BTRC: variants seen among roughly 807,000 people sequenced by gnomAD.
BTRC encodes F-box/WD repeat-containing protein 1A.
Under a neutral mutation model 85.5 loss-of-function variants are expected in BTRC, and 42 were observed. That is an observed-to-expected ratio of 0.49 (90% CI 0.38 to 0.64). The LOEUF is 0.64. Among genes scored for constraint, BTRC ranks in the 30% least tolerant of loss-of-function variants. The pLI is 0.00. For synonymous variants in BTRC, 255 were observed against 263.3 expected (o/e 0.97, Z 0.30); for missense variants, 594 against 743.5 (o/e 0.80, Z 2.34).
intron 1 of BTRC, among the ~76,000 whole-genome samples, chr10:101,392,813 C>T (rs558341809): frequency 2.7e-4 from 41 of 152,280 alleles, no homozygotes; most frequent in South Asian, 1.0e-3. Flanking sequence ...TGTAAGCTTC[C>T]GCACCCGACC....
At chr10:101,524,770 T>G (rs2062165864) in intron 5 of BTRC, among the ~76,000 whole-genome samples, 1 of 152,206 alleles carries the variant, frequency 6.6e-6, no homozygotes. Context: ...TAATTGGCTT[T>G]TGTTCATGTT....
At chr10:101,366,821 AATATATATT>A (rs1942404888) in intron 1 of BTRC, among the ~76,000 whole-genome samples, 1 of 49,334 alleles carries the variant, frequency 2.0e-5, no homozygotes, top group African/African-American at 1.1e-4. Flanking sequence ...TATATATATT[AATATATATT>A]TATATATATT....
chr10:101,477,134 G>A (rs1289014878), intron 3 of BTRC, among the ~76,000 whole-genome samples: 2 of 151,990 alleles, frequency 1.3e-5, no homozygotes, highest in East Asian at 3.9e-4. Flanking sequence ...GCACCACCAC[G>A]CCTGGCTAAA....
intron 4 of BTRC, among the ~76,000 whole-genome samples, chr10:101,490,442 C>T (rs951320872): frequency 3.3e-5 from 5 of 152,142 alleles, no homozygotes; most frequent in South Asian, 4.1e-4. Context: ...ACTTTACAAA[C>T]GAGGAACGAG....
chr10:101,498,236 C>T (rs1197859375), intron 4 of BTRC, among the ~76,000 whole-genome samples: 2 of 152,038 alleles, frequency 1.3e-5, no homozygotes, highest in African/African-American at 4.8e-5. Context: ...TCACTGCAAC[C>T]TCTGCTTCCT....
chr10:101,534,011 CAT>C (rs1050456324), intron 9 of BTRC, among the ~76,000 whole-genome samples: 18 of 152,064 alleles, frequency 1.2e-4, no homozygotes, highest in African/African-American at 3.9e-4. Flanking sequence ...AAGGAAATAA[CAT>C]GTTATAAAAC....
intron 2 of BTRC, among the ~76,000 whole-genome samples, chr10:101,430,750 T>C (rs1327315110): frequency 6.6e-6 from 1 of 152,192 alleles, no homozygotes; most frequent in Non-Finnish European, 1.5e-5. Flanking sequence ...TCTCAATAAA[T>C]AGCAGTTCAA....
intron 1 of BTRC, among the ~76,000 whole-genome samples, chr10:101,358,646 G>A (rs758856328): frequency 2.0e-4 from 30 of 152,058 alleles, no homozygotes; most frequent in Non-Finnish European, 3.7e-4. Flanking sequence ...CTTGGTATTG[G>A]CTGAGGTGTG....
At chr10:101,375,907 A>C (rs1942778489) in intron 1 of BTRC, among the ~76,000 whole-genome samples, 2 of 152,166 alleles carry the variant, frequency 1.3e-5, no homozygotes, top group Admixed American at 1.3e-4. Flanking sequence ...TATCTAGTCC[A>C]CTGTGTGCTG....
At chr10:101,364,587 T>G (rs1367083877) in intron 1 of BTRC, among the ~76,000 whole-genome samples, 1 of 152,184 alleles carries the variant, frequency 6.6e-6, no homozygotes, top group Non-Finnish European at 1.5e-5. Flanking sequence ...CTTTCATGCT[T>G]TCACTGAAAA....
At chr10:101,461,868 G>T (rs1945234571) in intron 2 of BTRC, 113 bp from the exon 3 acceptor site, 2 of 723,968 alleles carry the variant, frequency 2.8e-6, no homozygotes, top group Non-Finnish European at 4.5e-6. Flanking sequence ...GTGAATAATT[G>T]TATAAATATA....
intron 4 of BTRC, among the ~76,000 whole-genome samples, chr10:101,486,368 G>T (rs1389947421): frequency 6.6e-6 from 1 of 151,918 alleles, no homozygotes; most frequent in African/African-American, 2.4e-5. Flanking sequence ...CCATCAGCAC[G>T]TTTTGCGGAG....
intron 1 of BTRC, among the ~76,000 whole-genome samples, chr10:101,379,005 A>G (rs1463813119): frequency 6.6e-6 from 1 of 152,232 alleles, no homozygotes; most frequent in Non-Finnish European, 1.5e-5. Flanking sequence ...ATGACAACTT[A>G]CAAGATCTCT....
chr10:101,389,763 C>T (rs1943190188), intron 1 of BTRC, among the ~76,000 whole-genome samples: 1 of 151,644 alleles, frequency 6.6e-6, no homozygotes, highest in African/African-American at 2.4e-5. Flanking sequence ...TATCTGAGAC[C>T]ACAGGTGCAC....
intron 1 of BTRC, among the ~76,000 whole-genome samples, chr10:101,413,450 A>T (rs1390521560): frequency 1.3e-5 from 2 of 152,196 alleles, no homozygotes; most frequent in Non-Finnish European, 2.9e-5. Context: ...AGTAGCTGGG[A>T]CTACAGGCAC....
At chr10:101,550,934 GGGA>G in intron 14 of BTRC, 43 bp downstream of exon 14, 1 of 1,492,376 alleles carries the variant, frequency 6.7e-7, no homozygotes, top group South Asian at 1.3e-5. Context: ...GGTAGGAGAC[GGGA>G]TATTAGCTGT....
chr10:101,382,523 T>C (rs1317897030), intron 1 of BTRC, among the ~76,000 whole-genome samples: 1 of 151,624 alleles, frequency 6.6e-6, no homozygotes, highest in Non-Finnish European at 1.5e-5. Context: ...TATGCTGTGT[T>C]TTTTTTTTCT....
rs34282047 is a variant in BTRC, at chr10:101,522,352, T to TAAAAAA, written c.556+491_556+496dup. 9.5e-4 allele frequency among the ~76,000 whole-genome samples: 40 copies of TAAAAAA among 42,084 alleles called. 1 individual carries two copies. Among genetic ancestry groups the TAAAAAA allele is most frequent in the Admixed American group, 1.6e-3 (4 of 2,528 alleles). The allele number at this position is 42,084 out of a possible 152,430, so 27.6% of individuals were successfully genotyped here. On this transcript the variant is annotated intron_variant, in intron 5 of 14. Transcript: ENST00000370187. The stretch of plus-strand genomic sequence containing the variant: ...ACCACGCCCAGCTGGTATAAAGCTT[T>TAAAAAA]AAAAAAAAAAAAAACAAAAAAAAAC...
intron 1 of BTRC, among the ~76,000 whole-genome samples, chr10:101,388,960 A>G (rs1943155217): frequency 6.6e-6 from 1 of 152,048 alleles, no homozygotes; most frequent in Non-Finnish European, 1.5e-5. Flanking sequence ...CTTTGTTCCT[A>G]GATGATCATC....
Sources: gnomAD v4.1 joint callset for allele counts (sites outside exome capture counted in the v4.1 genomes callset) on GRCh38, gnomAD v4.1.1 for gene constraint, MANE v1.5 for transcripts, NCBI Gene and HGNC (gene_info 2026-07-23, HGNC 2026-07-21) for gene names.